LIN7A: variants seen among roughly 807,000 people sequenced by gnomAD.
LIN7A encodes protein lin-7 homolog A.
LIN7A carries 25 observed loss-of-function variants against 29.8 expected under a neutral mutation model. The ratio of observed to expected loss-of-function variants is 0.84; its 90% confidence interval spans 0.61 to 1.17. LIN7A has a LOEUF of 1.17. Among genes scored for constraint, LIN7A ranks in the 50% most tolerant of loss-of-function variants. The pLI is 0.00. For missense variants in LIN7A, 239 were observed against 287.0 expected (o/e 0.83, Z 1.21); for synonymous variants, 118 against 107.5 (o/e 1.10, Z -0.60).
Position 80,807,395 on chromosome 12 carries a change from G to T in LIN7A, c.*4070C>A, listed in dbSNP as rs118138354. On this transcript the variant is annotated intron_variant, in intron 5 of 5. Transcript: ENST00000552864. ...CGAAGATGGAGATTTAATTAAGATG[G>T]ATGGAACTGAGAAATGGAATTGAGT... Among the ~76,000 whole-genome samples, 193 of 152,212 alleles carry T rather than the reference G, an allele frequency of 1.3e-3. 2 individuals carry two copies. The highest frequency in any genetic ancestry group is 9.9e-3 in the East Asian group (51 of 5,160).
chr12:80,900,162 A>AT (rs1414246732), intron 1 of LIN7A, among the ~76,000 whole-genome samples: 1 of 150,916 alleles, frequency 6.6e-6, no homozygotes, highest in Non-Finnish European at 1.5e-5. Flanking sequence ...CTCTTTTTTT[A>AT]TTTATTGGTC....
intron 1 of LIN7A, among the ~76,000 whole-genome samples, chr12:80,916,233 A>G (rs930924392): frequency 6.6e-6 from 1 of 152,202 alleles, no homozygotes; most frequent in Admixed American, 6.5e-5. Context: ...TTATTCAAAC[A>G]TAAGTTGGAT....
At chr12:80,880,418 G>T (rs572090695) in intron 2 of LIN7A, among the ~76,000 whole-genome samples, 1 of 152,230 alleles carries the variant, frequency 6.6e-6, no homozygotes, top group African/African-American at 2.4e-5. Flanking sequence ...TCATTGGAAA[G>T]CCAAAAAACT....
chr12:80,818,842 G>A (rs1871659527), intron 4 of LIN7A, among the ~76,000 whole-genome samples: 1 of 152,118 alleles, frequency 6.6e-6, no homozygotes, highest in South Asian at 2.1e-4. Context: ...GTCATCTTAA[G>A]GGTTTCTCTA....
intron 1 of LIN7A, among the ~76,000 whole-genome samples, chr12:80,909,882 C>T (rs986705167): frequency 6.6e-6 from 1 of 151,054 alleles, no homozygotes; most frequent in Non-Finnish European, 1.5e-5. Context: ...CTAAAAACAC[C>T]TGTTGGCATT....
chr12:80,869,100 C>T (rs1336697422), intron 2 of LIN7A, among the ~76,000 whole-genome samples: 2 of 151,110 alleles, frequency 1.3e-5, no homozygotes, highest in East Asian at 1.9e-4. Flanking sequence ...GGAGAAAGGG[C>T]ATTGGCATGT....
rs1012438355 is a variant in LIN7A at position 80,868,037 on chromosome 12, T to C, written c.202-19715A>G. ...TTACTACACTGACAGCAAAGCAAAG[T>C]GAAAGCTGGAAGCAGCTATTTCAGC... On this transcript the variant is annotated intron_variant, in intron 2 of 5. Transcript: ENST00000552864. Among the ~76,000 whole-genome samples the C allele has an allele frequency of 2.0e-5, 3 of 152,206 alleles. No individual in the cohort carries two copies. The East Asian group carries it at 5.8e-4, about 29-fold the overall frequency.
chr12:80,887,881 T>A (rs1452456011), intron 2 of LIN7A, among the ~76,000 whole-genome samples: 3 of 151,846 alleles, frequency 2.0e-5, no homozygotes, highest in Non-Finnish European at 4.4e-5. Flanking sequence ...GTAGAATCTC[T>A]AAAAAGGAAA....
At position 80,899,765 on chromosome 12, in the gene LIN7A, C is replaced by CTT. The variant is rs760389788; in HGVS notation, c.83-10398_83-10397dup. 5.6e-4 allele frequency among the ~76,000 whole-genome samples: 62 copies of CTT among 110,034 alleles called. 4 individuals are homozygous for CTT. The highest frequency in any genetic ancestry group is 1.6e-3 in the African/African-American group (57 of 34,878). 72.2% of individuals were successfully genotyped at this position (110,034 alleles called of 152,430 possible). On this transcript the variant is annotated intron_variant, in intron 1 of 5. Transcript: ENST00000552864. ...CATTTCCTCTAGGTTTTCTTTTTTT[C>CTT]TTTTCTTTTTTTTTTTTTTTTGAGA...
chr12:80,894,522 T>C (rs1285533558), intron 1 of LIN7A, among the ~76,000 whole-genome samples: 1 of 152,192 alleles, frequency 6.6e-6, no homozygotes, highest in African/African-American at 2.4e-5. Context: ...TGCTTATTTC[T>C]AGAATTTTCG....
At chr12:80,837,903 T>A (rs116017952) in intron 4 of LIN7A, among the ~76,000 whole-genome samples, 2,497 of 152,242 alleles carry the variant, frequency 0.016, 59 homozygotes, top group African/African-American at 0.057. Context: ...ATAACCCTTT[T>A]TTTTTGTTTA....
At chr12:80,906,498 G>T (rs952792757) in intron 1 of LIN7A, among the ~76,000 whole-genome samples, 2 of 151,950 alleles carry the variant, frequency 1.3e-5, no homozygotes, top group African/African-American at 4.8e-5. Context: ...TTTCACTGGG[G>T]GTTGGGGGGT....
At chr12:80,807,542 A>T (rs1387518310) in intron 5 of LIN7A, among the ~76,000 whole-genome samples, 1 of 152,236 alleles carries the variant, frequency 6.6e-6, no homozygotes, top group Non-Finnish European at 1.5e-5. Flanking sequence ...TTCTTTCAAA[A>T]TACTTGCACA....
At chr12:80,884,681 T>G (rs1411256774) in intron 2 of LIN7A, among the ~76,000 whole-genome samples, 1 of 152,160 alleles carries the variant, frequency 6.6e-6, no homozygotes, top group Non-Finnish European at 1.5e-5. Context: ...TGACCCAGTT[T>G]TGAAATCCTA....
chr12:80,809,928 C>T (rs545825601), intron 5 of LIN7A, among the ~76,000 whole-genome samples: 17 of 152,184 alleles, frequency 1.1e-4, no homozygotes, highest in Middle Eastern at 3.4e-3. Context: ...GATTATAATG[C>T]GATATTTCAA....
At chr12:80,869,762 CT>C (rs953269191) in intron 2 of LIN7A, among the ~76,000 whole-genome samples, 1 of 137,188 alleles carries the variant, frequency 7.3e-6, no homozygotes, top group East Asian at 2.1e-4. Context: ...TTTTTTTTTT[CT>C]TTTTTTGCAA....
At chr12:80,894,846 G>T (rs776642497) in intron 1 of LIN7A, among the ~76,000 whole-genome samples, 1 of 152,034 alleles carries the variant, frequency 6.6e-6, no homozygotes, top group African/African-American at 2.4e-5. Flanking sequence ...ATTATATCAA[G>T]AGATTACTAT....
Position 80,929,602 on chromosome 12 carries a change from T to A in LIN7A, c.82+8039A>T, listed in dbSNP as rs553970687. Among the ~76,000 whole-genome samples, 45 of 152,302 alleles carry A rather than the reference T, an allele frequency of 3.0e-4. No homozygotes were observed. The East Asian group carries it at 8.3e-3, about 28-fold the overall frequency. On this transcript the variant is annotated intron_variant, in intron 1 of 5. Coordinates refer to ENST00000552864, the MANE Select transcript of LIN7A (RefSeq NM_004664.4). ...GAGTTGTGGGGTCATGAATATATAA[T>A]GAGACTATGACATATGTCTGAACTT...
intron 2 of LIN7A, among the ~76,000 whole-genome samples, chr12:80,859,039 C>A (rs1873738664): frequency 6.6e-6 from 1 of 152,050 alleles, no homozygotes. Context: ...ATTATTATAG[C>A]TAATAATAAG....
Sources: gnomAD v4.1 joint callset for allele counts (sites outside exome capture counted in the v4.1 genomes callset) on GRCh38, gnomAD v4.1.1 for gene constraint, MANE v1.5 for transcripts, NCBI Gene and HGNC (gene_info 2026-07-23, HGNC 2026-07-21) for gene names.